GSE1: variants seen among roughly 807,000 people sequenced by gnomAD.
GSE1 encodes the protein Gse1 coiled-coil protein, also known as genetic suppressor element 1.
GSE1 carries 32 observed loss-of-function variants against 112.6 expected under a neutral mutation model. That is an observed-to-expected ratio of 0.28 (90% CI 0.21 to 0.38). GSE1 has a LOEUF of 0.38. GSE1 is among the 10% of genes least tolerant of loss of function. The pLI, the probability that GSE1 is intolerant of heterozygous loss-of-function variation, is 1.00. For missense variants in GSE1, 2,348 were observed against 1,699.2 expected (o/e 1.38, Z -6.71); for synonymous variants, 1,115 against 735.6 (o/e 1.52, Z -8.35).
In GSE1 at chr16:85,661,284, C is replaced by T; in HGVS notation, c.1779C>T (p.Asn593=). 1.2e-6 allele frequency: 2 copies of T among 1,612,952 alleles called. No individual in the cohort carries two copies. Among genetic ancestry groups the T allele is most frequent in the Non-Finnish European group, 1.7e-6 (2 of 1,179,994 alleles). Residue 593 remains asparagine (N), a synonymous_variant, in exon 9 of 16, where the codon AAC becomes AAT. Transcript: ENST00000253458. ...GGAACCCCGTGTCCCTGATGGACAA[C>T]ACCTTGGAGACGCGGCGGGCCGAAA... ...ALWNPVSLMD[N]TLETRRAESH...
upstream of GSE1, among the ~76,000 whole-genome samples, chr16:85,554,592 AAAAG>A (rs1318214361): frequency 6.6e-6 from 1 of 152,028 alleles, no homozygotes; most frequent in Non-Finnish European, 1.5e-5. Flanking sequence ...GGGTGAGAGG[AAAAG>A]AAAGGAGGGA....
chr16:85,388,352 ATGGGTGAGTGGATGGGCGGGTGGG>A (rs1567728759), intron 2 of GSE1, among the ~76,000 whole-genome samples: 16 of 31,412 alleles, frequency 5.1e-4, no homozygotes, highest in African/African-American at 2.2e-3. Flanking sequence ...GGCTGGATGG[ATGGGTGAGTGGATGGGCGGGTGGG>A]TGGATGGATG....
chr16:85,438,604 G>A (rs1055583780), intron 2 of GSE1, among the ~76,000 whole-genome samples: 18 of 152,202 alleles, frequency 1.2e-4, no homozygotes, highest in African/African-American at 3.6e-4. Context: ...CTTACAGCTC[G>A]GAAGGGAGTC....
intron 1 of GSE1, among the ~76,000 whole-genome samples, chr16:85,561,566 C>T (rs981256659): frequency 7.2e-5 from 11 of 152,234 alleles, no homozygotes; most frequent in African/African-American, 2.7e-4. Flanking sequence ...CTGCCCTCGG[C>T]CCTCCAGGGA....
intron 2 of GSE1, among the ~76,000 whole-genome samples, chr16:85,506,669 C>T (rs1305455543): frequency 6.6e-6 from 1 of 152,168 alleles, no homozygotes; most frequent in Non-Finnish European, 1.5e-5. Flanking sequence ...TGCATTTCAA[C>T]CTGGGGAGGT....
chr16:85,668,508 TCTGCCAGC>T, intron 14 of GSE1, 84 bp downstream of exon 14: 1 of 900,054 alleles, frequency 1.1e-6, no homozygotes, highest in Non-Finnish European at 1.7e-6. Flanking sequence ...CATGCAGACC[TCTGCCAGC>T]CTGGGGACTG....
chr16:85,602,642 G>C (rs1421835611), intron 1 of GSE1, among the ~76,000 whole-genome samples: 1 of 152,198 alleles, frequency 6.6e-6, no homozygotes, highest in Non-Finnish European at 1.5e-5. Context: ...GGCCTGAGGT[G>C]TAGGTGTCCT....
intron 2 of GSE1, among the ~76,000 whole-genome samples, chr16:85,495,324 G>C (rs959661145): frequency 4.6e-5 from 7 of 152,188 alleles, no homozygotes; most frequent in Middle Eastern, 3.4e-3. Context: ...CCCGGCCTGT[G>C]GTTCGGTAGC....
rs1419662774 is a variant in GSE1 at position 85,197,084 on chromosome 16, G to A, written c.2283+25277G>A. On this transcript the variant is annotated intron_variant, in intron 1 of 2. Transcript: ENST00000637419. Reference sequence around the variant, plus strand: ...AGGGGTTGGATGTGATTGATTTATCGATCAGCCATTTATTGAGCACCTCCT... The same window carrying A: ...AGGGGTTGGATGTGATTGATTTATCAATCAGCCATTTATTGAGCACCTCCT... Among the ~76,000 whole-genome samples the A allele has an allele frequency of 2.0e-5, 3 of 152,256 alleles. No homozygotes were observed. In the South Asian group the frequency reaches 6.2e-4, roughly 32 times the overall value.
intron 3 of GSE1, among the ~76,000 whole-genome samples, chr16:85,651,931 C>G (rs1328298310): frequency 6.6e-6 from 1 of 152,224 alleles, no homozygotes; most frequent in Non-Finnish European, 1.5e-5. Flanking sequence ...ATCCCAGACC[C>G]TAGGAACAGG....
chr16:85,338,654 C>G (rs2046556625), intron 1 of GSE1, among the ~76,000 whole-genome samples: 2 of 152,212 alleles, frequency 1.3e-5, no homozygotes, highest in Admixed American at 1.3e-4. Context: ...TATCCAGCGG[C>G]TCCTAAAGGC....
At chr16:85,565,465 G>T (rs1306017612) in intron 1 of GSE1, among the ~76,000 whole-genome samples, 1 of 151,222 alleles carries the variant, frequency 6.6e-6, no homozygotes, top group Non-Finnish European at 1.5e-5. Flanking sequence ...CGTGTAGAGG[G>T]AGCGCAGGCC....
chr16:85,315,587 C>T (rs2045968661), intron 1 of GSE1, among the ~76,000 whole-genome samples: 2 of 152,102 alleles, frequency 1.3e-5, no homozygotes, highest in Admixed American at 1.3e-4. Context: ...TAACCAAAAC[C>T]CAACCCCTGT....
At chr16:85,380,476 G>A (rs2151619281) in intron 2 of GSE1, among the ~76,000 whole-genome samples, 1 of 150,698 alleles carries the variant, frequency 6.6e-6, no homozygotes, top group East Asian at 2.0e-4. Context: ...TGGTGAAACA[G>A]GATAGAAGCA....
At chr16:85,565,378 G>A (rs1341897144) in intron 1 of GSE1, among the ~76,000 whole-genome samples, 17 of 148,884 alleles carry the variant, frequency 1.1e-4, no homozygotes, top group South Asian at 2.1e-4. Context: ...GTGACAGAGC[G>A]AGTGAGACTC....
At chr16:85,267,391 C>A (rs992035743) in intron 1 of GSE1, among the ~76,000 whole-genome samples, 2 of 152,178 alleles carry the variant, frequency 1.3e-5, no homozygotes, top group African/African-American at 2.4e-5. Flanking sequence ...TTCTCCATCA[C>A]CCCCTCGGTG....
chr16:85,439,151 C>T (rs748066909), intron 2 of GSE1, among the ~76,000 whole-genome samples: 6 of 152,236 alleles, frequency 3.9e-5, no homozygotes, highest in African/African-American at 9.6e-5. Context: ...ACCCGGGGGA[C>T]GTGCCCTGCC....
intron 2 of GSE1, among the ~76,000 whole-genome samples, chr16:85,466,920 C>T (rs1459929398): frequency 2.0e-5 from 3 of 152,274 alleles, no homozygotes; most frequent in South Asian, 2.1e-4. Context: ...ATTAGCCAGG[C>T]GTGGTGGCAG....
At chr16:85,447,472 C>T in intron 2 of GSE1, among the ~76,000 whole-genome samples, 1 of 152,252 alleles carries the variant, frequency 6.6e-6, no homozygotes, top group Non-Finnish European at 1.5e-5. Flanking sequence ...ACCAGCCACA[C>T]TGGTGCGCTG....
Sources: gnomAD v4.1 joint callset for allele counts (sites outside exome capture counted in the v4.1 genomes callset) on GRCh38, gnomAD v4.1.1 for gene constraint, MANE v1.5 for transcripts, NCBI Gene and HGNC (gene_info 2026-07-23, HGNC 2026-07-21) for gene names.